The following LTBP1 variants were observed in gnomAD, a reference collection of about 807,000 sequenced individuals.
LTBP1 encodes the protein latent transforming growth factor beta binding protein 1.
In LTBP1, 129 loss-of-function variants were observed where a neutral mutation model predicts 207.6. That is an observed-to-expected ratio of 0.62 (90% CI 0.54 to 0.72). The LOEUF is 0.72. Among genes scored for constraint, LTBP1 ranks in the 30% least tolerant of loss-of-function variants. The probability of loss-of-function intolerance (pLI) is 0.00; values close to 1 mark genes in which losing one functional copy is unlikely to be tolerated. For missense variants in LTBP1, 2,281 were observed against 2,217.2 expected, an observed-to-expected ratio of 1.03 and a Z score of -0.58; for synonymous variants, 963 against 833.7, an observed-to-expected ratio of 1.16 and a Z score of -2.67.
chr2:33,138,481 C>T (rs1354713029), intron 5 of LTBP1, among the ~76,000 whole-genome samples: 2 of 151,358 alleles, frequency 1.3e-5, no homozygotes, highest in Admixed American at 1.3e-4. Flanking sequence ...TTGCTGTTTG[C>T]CCCACCCCTG....
At chr2:33,168,968 A>G (rs963841148) in intron 5 of LTBP1, among the ~76,000 whole-genome samples, 1 of 152,236 alleles carries the variant, frequency 6.6e-6, no homozygotes, top group Non-Finnish European at 1.5e-5. Flanking sequence ...CCAGCATAGA[A>G]AATAGAGGCC....
At chr2:33,285,074 T>C (rs1358697121) in intron 19 of LTBP1, among the ~76,000 whole-genome samples, 1 of 141,046 alleles carries the variant, frequency 7.1e-6, no homozygotes. Context: ...GGAGTCTCAC[T>C]CTTGTCGCCC....
chr2:33,096,028 G>A lies in LTBP1; in HGVS notation c.864-14554G>A, dbSNP rs146720691. 3.5e-3 allele frequency among the ~76,000 whole-genome samples: 537 copies of A among 152,150 alleles called. 5 individuals are homozygous for A. Among genetic ancestry groups the A allele is most frequent in the Middle Eastern group, 0.02 (6 of 294 alleles). ...AAACATAAATTTAGAGATCAAAGAAGCTCAGTAAACCCCAGGCAAGATTAA... is the reference window on the plus strand; with the variant it reads ...AAACATAAATTTAGAGATCAAAGAAACTCAGTAAACCCCAGGCAAGATTAA... On this transcript the variant is annotated intron_variant, in intron 3 of 33. Coordinates refer to ENST00000404816, the MANE Select transcript of LTBP1 (RefSeq NM_206943.4).
intron 2 of LTBP1, among the ~76,000 whole-genome samples, chr2:32,977,245 C>T (rs1681943496): frequency 6.6e-6 from 1 of 152,204 alleles, no homozygotes; most frequent in Non-Finnish European, 1.5e-5. Flanking sequence ...CTGCTGAGTT[C>T]AGGCAGAAGC....
intron 2 of LTBP1, among the ~76,000 whole-genome samples, chr2:32,985,337 A>G (rs1036523221): frequency 6.6e-6 from 1 of 152,162 alleles, no homozygotes; most frequent in South Asian, 2.1e-4. Flanking sequence ...GGTAATCGCT[A>G]CAGTAAGCCC....
chr2:33,090,540 C>G (rs948119369), intron 3 of LTBP1, among the ~76,000 whole-genome samples: 1 of 152,142 alleles, frequency 6.6e-6, no homozygotes, highest in African/African-American at 2.4e-5. Flanking sequence ...CCATTTCATT[C>G]TCATCACAAT....
intron 5 of LTBP1, among the ~76,000 whole-genome samples, chr2:33,160,973 C>T (rs1221083693): frequency 2.0e-5 from 3 of 152,264 alleles, no homozygotes; most frequent in East Asian, 3.9e-4. Context: ...GTCTTTCTTG[C>T]CCCTCTTGAC....
intron 3 of LTBP1, among the ~76,000 whole-genome samples, chr2:33,052,394 C>T (rs950669188): frequency 6.6e-6 from 1 of 152,190 alleles, no homozygotes; most frequent in African/African-American, 2.4e-5. Flanking sequence ...ATTATTTAAA[C>T]ATATTTAAAC....
chr2:33,275,899 A>G lies in LTBP1; in HGVS notation c.2968A>G (p.Met990Val), dbSNP rs752256110. 3.1e-6 allele frequency: 5 copies of G among 1,602,930 alleles called. No individual in the cohort carries two copies. Among genetic ancestry groups the G allele is most frequent in the Non-Finnish European group, 3.4e-6 (4 of 1,174,472 alleles). Reference sequence around the variant, plus strand: ...TGAATACTGTGACAGCGGGTACCGCATGACTCAGAGAGGCCGTTGTGAGGG... The same window carrying G: ...TGAATACTGTGACAGCGGGTACCGCGTGACTCAGAGAGGCCGTTGTGAGGG... The part of the protein sequence containing the change: ...RCEYCDSGYR[M>V]TQRGRCEDID... Residue 990 changes from methionine (M) to valine (V), a missense_variant, in exon 18 of 34, where the codon ATG becomes GTG. By Grantham distance (21) the Met-to-Val change is conservative (BLOSUM62 1). Around this residue, in one of 3 missense-constraint regions of LTBP1, gnomAD observed 1,671 missense variants for 1,634.8 expected, o/e 1.02. Transcript: ENST00000404816.
chr2:33,387,866 G>C (rs2095281183), intron 31 of LTBP1, among the ~76,000 whole-genome samples: 1 of 151,990 alleles, frequency 6.6e-6, no homozygotes, highest in East Asian at 1.9e-4. Context: ...TGACAATAGA[G>C]GAAAATTCTA....
intron 7 of LTBP1, among the ~76,000 whole-genome samples, chr2:33,196,956 C>A (rs1407355731): frequency 6.6e-6 from 1 of 152,012 alleles, no homozygotes; most frequent in South Asian, 2.1e-4. Context: ...GAGAAAAGAG[C>A]GGGAATAATG....
At chr2:33,323,781 A>G (rs1449462971) in intron 24 of LTBP1, among the ~76,000 whole-genome samples, 1 of 152,214 alleles carries the variant, frequency 6.6e-6, no homozygotes, top group Non-Finnish European at 1.5e-5. Flanking sequence ...AACATTCTTA[A>G]TAAGATTACT....
intron 3 of LTBP1, among the ~76,000 whole-genome samples, chr2:33,080,848 A>C (rs1047690903): frequency 4.6e-5 from 7 of 152,330 alleles, no homozygotes; most frequent in Middle Eastern, 6.8e-3. Context: ...ATACACACAC[A>C]TATATGCATA....
chr2:33,370,299 G>A (rs189125260), intron 31 of LTBP1, among the ~76,000 whole-genome samples: 81 of 152,282 alleles, frequency 5.3e-4, no homozygotes, highest in Non-Finnish European at 4.7e-4. Flanking sequence ...TAAATTAAGC[G>A]TAGACAAATG....
intron 5 of LTBP1, among the ~76,000 whole-genome samples, chr2:33,172,026 A>G (rs1486974192): frequency 1.3e-5 from 2 of 152,220 alleles, no homozygotes; most frequent in African/African-American, 2.4e-5. Flanking sequence ...ATGGAAAGGA[A>G]CAACCAGTAC....
chr2:33,005,173 A>C (rs1363254967), intron 2 of LTBP1, among the ~76,000 whole-genome samples: 1 of 152,188 alleles, frequency 6.6e-6, no homozygotes, highest in Non-Finnish European at 1.5e-5. Context: ...CAAGATGACA[A>C]AATACCTAAA....
intron 19 of LTBP1, among the ~76,000 whole-genome samples, chr2:33,289,269 A>T (rs948810323): frequency 3.3e-5 from 5 of 152,338 alleles, no homozygotes; most frequent in East Asian, 3.9e-4. Context: ...TTACCCTGGG[A>T]GGTTTAATTA....
intron 3 of LTBP1, among the ~76,000 whole-genome samples, chr2:33,072,699 G>A (rs952612705): frequency 4.0e-4 from 61 of 152,188 alleles, no homozygotes. Flanking sequence ...GACTATGGGA[G>A]TTACGAGCCA....
intron 27 of LTBP1, among the ~76,000 whole-genome samples, chr2:33,361,215 G>A (rs898305058): frequency 1.3e-5 from 2 of 152,112 alleles, no homozygotes; most frequent in Admixed American, 1.3e-4. Flanking sequence ...AAATATTAGT[G>A]AACTTGGAGG....
Sources: allele counts gnomAD v4.1 joint callset (sites outside exome capture counted in the v4.1 genomes callset), GRCh38; gene constraint gnomAD v4.1.1; regional missense constraint gnomAD v4.1.1; transcripts MANE v1.5; gene names NCBI Gene and HGNC (gene_info 2026-07-23, HGNC 2026-07-21).